ATG10: variants seen among roughly 807,000 people sequenced by gnomAD.
ATG10 encodes autophagy related 10.
ATG10 carries 30 observed loss-of-function variants against 32.1 expected under a neutral mutation model. That is an observed-to-expected ratio of 0.94 (90% CI 0.70 to 1.27). ATG10 has a LOEUF of 1.27. ATG10 is among the 50% of genes most tolerant of loss of function. The pLI, the probability that ATG10 is intolerant of heterozygous loss-of-function variation, is 0.00. For synonymous variants in ATG10, 87 were observed against 91.5 expected, an observed-to-expected ratio of 0.95 and a Z score of 0.28; for missense variants, 233 against 262.3, an observed-to-expected ratio of 0.89 and a Z score of 0.77.
intron 3 of ATG10, among the ~76,000 whole-genome samples, chr5:82,099,202 G>A (rs191023474): frequency 6.4e-4 from 98 of 152,062 alleles, no homozygotes; most frequent in African/African-American, 2.2e-3. Flanking sequence ...CCTCTATAAA[G>A]GAAAGAATGG....
chr5:81,989,740 A>G (rs1236868997), intron 2 of ATG10, among the ~76,000 whole-genome samples: 2 of 151,810 alleles, frequency 1.3e-5, no homozygotes, highest in African/African-American at 4.8e-5. Context: ...CTGGGACTAC[A>G]GGCGCCCGCC....
At chr5:82,110,020 A>G (rs1054441110) in intron 3 of ATG10, among the ~76,000 whole-genome samples, 5 of 149,962 alleles carry the variant, frequency 3.3e-5, no homozygotes, top group African/African-American at 1.2e-4. Flanking sequence ...TCATTGTTCA[A>G]TTCCCACCTA....
At chr5:82,000,099 A>T (rs1271529907) in intron 2 of ATG10, among the ~76,000 whole-genome samples, 1 of 152,190 alleles carries the variant, frequency 6.6e-6, no homozygotes, top group Non-Finnish European at 1.5e-5. Flanking sequence ...CCAGCAGCAC[A>T]TCAAAAAGCT....
chr5:82,165,145 C>T lies in ATG10; in HGVS notation c.355+608C>T, dbSNP rs370895796. 3.9e-5 allele frequency among the ~76,000 whole-genome samples: 6 copies of T among 152,184 alleles called. No individual in the cohort carries two copies. The South Asian group carries it at 8.3e-4, about 21-fold the overall frequency. On this transcript the variant is annotated intron_variant, in intron 4 of 7. Coordinates refer to ENST00000282185, the MANE Select transcript of ATG10 (RefSeq NM_031482.5). The stretch of plus-strand genomic sequence containing the variant: ...GCTTATTTAATCAGCAGCCACATGG[C>T]GTCCTCACTCTGCAGCACAGCCATG...
intron 2 of ATG10, among the ~76,000 whole-genome samples, chr5:82,047,413 T>A (rs1396844886): frequency 6.6e-6 from 1 of 152,210 alleles, no homozygotes. Flanking sequence ...AAGTAATTAA[T>A]AAGGAAAACG....
At position 82,005,419 on chromosome 5, in the gene ATG10, C is replaced by T. The variant is rs193175251; in HGVS notation, c.108+17741C>T. ...AGGCAATTCTCCTGCCTCAGCCTCC[C>T]GAGTAGCTGGGATTACAGGCATCCA... On this transcript the variant is annotated intron_variant, in intron 2 of 7. Coordinates refer to ENST00000282185, the MANE Select transcript of ATG10 (RefSeq NM_031482.5). Among the ~76,000 whole-genome samples, 29 of 152,174 alleles carry T rather than the reference C, an allele frequency of 1.9e-4. No homozygotes were observed. In the East Asian group the frequency reaches 4.1e-3, roughly 21 times the overall value.
chr5:82,146,344 C>G (rs1339141524), intron 3 of ATG10, among the ~76,000 whole-genome samples: 1 of 151,772 alleles, frequency 6.6e-6, no homozygotes, highest in African/African-American at 2.4e-5. Context: ...TGGCTAATTT[C>G]AATATTTTCT....
chr5:82,108,445 CAT>C (rs1765506786), intron 3 of ATG10, among the ~76,000 whole-genome samples: 1 of 151,428 alleles, frequency 6.6e-6, no homozygotes, highest in Non-Finnish European at 1.5e-5. Context: ...ATGTACATAT[CAT>C]ATATGTATAT....
At chr5:82,098,783 T>C (rs181752311) in intron 3 of ATG10, among the ~76,000 whole-genome samples, 11 of 152,280 alleles carry the variant, frequency 7.2e-5, no homozygotes, top group Admixed American at 5.9e-4. Context: ...ACAATGTGAG[T>C]TCACAAGTGC....
intron 2 of ATG10, among the ~76,000 whole-genome samples, chr5:81,991,371 A>G (rs1761451345): frequency 6.6e-6 from 1 of 152,178 alleles, no homozygotes; most frequent in South Asian, 2.1e-4. Flanking sequence ...TAAACTACAT[A>G]TATTTAAAGT....
chr5:82,024,628 A>T (rs1350052018), intron 2 of ATG10, among the ~76,000 whole-genome samples: 2 of 152,194 alleles, frequency 1.3e-5, no homozygotes, highest in Non-Finnish European at 2.9e-5. Context: ...AAGATTTTCA[A>T]ATGTTGATTT....
chr5:82,040,055 A>G (rs1249696848), intron 2 of ATG10, among the ~76,000 whole-genome samples: 3 of 152,144 alleles, frequency 2.0e-5, no homozygotes, highest in African/African-American at 4.8e-5. Context: ...GACTTCCTAC[A>G]TAGCTTCTCA....
chr5:82,017,550 A>T (rs1762323940), intron 2 of ATG10, among the ~76,000 whole-genome samples: 1 of 152,068 alleles, frequency 6.6e-6, no homozygotes, highest in African/African-American at 2.4e-5. Flanking sequence ...TTTGTCATAG[A>T]TGGCTTTTTT....
chr5:82,115,298 AT>A (rs1765763955), intron 3 of ATG10, among the ~76,000 whole-genome samples: 1 of 152,082 alleles, frequency 6.6e-6, no homozygotes, highest in South Asian at 2.1e-4. Flanking sequence ...ATAGATTTAT[AT>A]TATTAAAGTA....
chr5:82,096,518 A>C (rs1485737283), intron 3 of ATG10, among the ~76,000 whole-genome samples: 2 of 151,960 alleles, frequency 1.3e-5, no homozygotes, highest in Non-Finnish European at 2.9e-5. Context: ...TTCACCTTCC[A>C]TTACTGTATT....
chr5:82,101,584 A>G (rs1052812959), intron 3 of ATG10, among the ~76,000 whole-genome samples: 3 of 152,242 alleles, frequency 2.0e-5, no homozygotes, highest in African/African-American at 7.2e-5. Flanking sequence ...CTCAGAAGGC[A>G]GAATGGATCA....
At chr5:82,188,621 C>T (rs1044520854) in intron 5 of ATG10, among the ~76,000 whole-genome samples, 7 of 151,900 alleles carry the variant, frequency 4.6e-5, no homozygotes, top group East Asian at 1.9e-4. Flanking sequence ...AGGTTAATGG[C>T]GGGTACACAA....
At chr5:82,077,188 T>C (rs1290566178) in intron 3 of ATG10, among the ~76,000 whole-genome samples, 1 of 152,142 alleles carries the variant, frequency 6.6e-6, no homozygotes, top group Non-Finnish European at 1.5e-5. Context: ...CCAGGCATAG[T>C]GGCGTACGCC....
intron 3 of ATG10, among the ~76,000 whole-genome samples, chr5:82,138,995 G>A (rs1460230421): frequency 6.6e-6 from 1 of 150,768 alleles, no homozygotes; most frequent in Non-Finnish European, 1.5e-5. Context: ...TGCGATCGCA[G>A]GCACGCGCCG....
Sources: allele counts gnomAD v4.1 joint callset (sites outside exome capture counted in the v4.1 genomes callset), GRCh38; gene constraint gnomAD v4.1.1; transcripts MANE v1.5; gene names NCBI Gene and HGNC (gene_info 2026-07-23, HGNC 2026-07-21).